PPT1: variants seen among roughly 807,000 people sequenced by gnomAD.
PPT1 encodes ceroid-palmitoyl-palmitoyl-protein thioesterase 1.
PPT1 carries 24 observed loss-of-function variants against 44.0 expected under a neutral mutation model. The observed-to-expected ratio is 0.54, with a 90% CI of 0.39 to 0.77. The LOEUF (loss-of-function observed/expected upper bound fraction) is 0.77, where lower values mean the gene tolerates loss of function less well. PPT1 is among the 30% of genes least tolerant of loss of function. PPT1 has a pLI of 0.00. For synonymous variants in PPT1, 148 were observed against 140.2 expected (o/e 1.06, Z -0.39); for missense variants, 341 against 378.8 (o/e 0.90, Z 0.83).
At chr1:40,097,050 A>G in intron 1 of PPT1, 65 bp downstream of exon 1, 2 of 1,613,562 alleles carry the variant, frequency 1.2e-6, no homozygotes, top group Non-Finnish European at 1.7e-6. Context: ...CGCATTTTGC[A>G]GATGCGAACC....
At chr1:40,087,634 T>C (rs1242487452) in intron 5 of PPT1, among the ~76,000 whole-genome samples, 1 of 151,998 alleles carries the variant, frequency 6.6e-6, no homozygotes, top group African/African-American at 2.4e-5. Flanking sequence ...GTTGTTTTGG[T>C]TCACACAAAG....
chr1:40,084,233 C>T (rs1321537943), intron 5 of PPT1, among the ~76,000 whole-genome samples: 3 of 152,084 alleles, frequency 2.0e-5, no homozygotes, highest in Non-Finnish European at 4.4e-5. Flanking sequence ...TGGAACCTGA[C>T]GATGTGACTG....
chr1:40,080,285 T>G (rs1648852598), intron 6 of PPT1, 112 bp downstream of exon 6: 2 of 1,150,726 alleles, frequency 1.7e-6, no homozygotes, highest in East Asian at 4.7e-5. Context: ...GAACTTCTCT[T>G]TCCTAGTGTC....
In PPT1 at chr1:40,080,500, A is replaced by G. The variant is rs1171058021; in HGVS notation, c.537-13T>C. Reference sequence around the variant, plus strand: ...GGCTTGCACGAGGCTGTAGGAAAAAAAAAGAATGAGGTGATCAAGCTACAG... The same window carrying G: ...GGCTTGCACGAGGCTGTAGGAAAAAGAAAGAATGAGGTGATCAAGCTACAG... On this transcript the variant is annotated splice_polypyrimidine_tract_variant and intron_variant, in intron 5 of 8. Coordinates refer to ENST00000642050, the MANE Select transcript of PPT1 (RefSeq NM_000310.4). The G allele has an allele frequency of 1.2e-6, 2 of 1,612,200 alleles. No individual in the cohort carries two copies. The highest frequency in any genetic ancestry group is 1.7e-6 in the Non-Finnish European group (2 of 1,178,610).
intron 1 of PPT1, among the ~76,000 whole-genome samples, chr1:40,094,336 C>T (rs1213313702): frequency 6.6e-6 from 1 of 152,170 alleles, no homozygotes; most frequent in African/African-American, 2.4e-5. Context: ...GCGCAGTTCA[C>T]AACAGCATTT....
chr1:40,087,630 T>C (rs1383340497), intron 5 of PPT1, among the ~76,000 whole-genome samples: 1 of 152,016 alleles, frequency 6.6e-6, no homozygotes, highest in Non-Finnish European at 1.5e-5. Flanking sequence ...AAGGGTTGTT[T>C]TGGTTCACAC....
At chr1:40,071,505 T>C, downstream of PPT1, 1 of 1,613,582 alleles carries the variant, frequency 6.2e-7, no homozygotes, top group Non-Finnish European at 8.5e-7. Flanking sequence ...CAGAAGTTGG[T>C]CACCACAGTG....
chr1:40,084,050 C>T (rs1278488642), intron 5 of PPT1, among the ~76,000 whole-genome samples: 1 of 151,996 alleles, frequency 6.6e-6, no homozygotes, highest in Non-Finnish European at 1.5e-5. Context: ...GAGACTCTGT[C>T]TCAAAAACAA....
At chr1:40,090,894 T>C (rs1301586245) in intron 4 of PPT1, among the ~76,000 whole-genome samples, 1 of 152,212 alleles carries the variant, frequency 6.6e-6, no homozygotes, top group Admixed American at 6.5e-5. Flanking sequence ...TCCCCAATAG[T>C]ATGGAATTCC....
At chr1:40,076,171 G>A (rs16826867) in intron 8 of PPT1, among the ~76,000 whole-genome samples, 1 of 151,590 alleles carries the variant, frequency 6.6e-6, no homozygotes, top group African/African-American at 2.4e-5. Flanking sequence ...ATGTTTAAAA[G>A]TAATGTCCCT....
chr1:40,077,649 A>C (rs1175563836), intron 7 of PPT1, among the ~76,000 whole-genome samples: 1 of 152,218 alleles, frequency 6.6e-6, no homozygotes, highest in East Asian at 1.9e-4. Flanking sequence ...GGTGTGACAT[A>C]ACGTGATGAG....
chr1:40,089,454 T>C lies in PPT1; in HGVS notation c.492A>G (p.Arg164=). 6.2e-7 allele frequency: 1 copy of C among 1,614,084 alleles called. No individual in the cohort carries two copies. ...GESSHICDFI[R]KTLNAGAYSK... ...AGTACGCCCCAGCATTCAGTGTTTT[T>C]CGGATGAAGTCACAGATGTGAGAGC... Residue 164 remains arginine, a synonymous_variant, in exon 5 of 9, where the codon CGA becomes CGG. Transcript: ENST00000642050.
intron 1 of PPT1, chr1:40,096,789 T>G: frequency 2.6e-6 from 1 of 378,998 alleles, no homozygotes; most frequent in Non-Finnish European, 5.0e-6. Context: ...GCGCCAGTCA[T>G]ATAGCCAGCC....
At chr1:40,085,463 C>T (rs1313297339) in intron 5 of PPT1, among the ~76,000 whole-genome samples, 4 of 152,218 alleles carry the variant, frequency 2.6e-5, no homozygotes, top group South Asian at 4.2e-4. Context: ...AGTGGTCCCC[C>T]GGGCCCAGCT....
rs1482849930 is a variant in PPT1, at chr1:40,096,696, A to G, written c.124+419T>C. 4 of 199,136 alleles carry G rather than the reference A, an allele frequency of 2.0e-5. No homozygotes were observed. The East Asian group carries it at 5.2e-4, about 26-fold the overall frequency. The allele number at this position is 199,136 out of a possible 1,614,324, so 12.3% of individuals were successfully genotyped here. A position where few individuals can be genotyped will look rare whatever the true frequency, so the allele number is the denominator to read the frequency against. ...CTTCCCAGTCCCAAGCATTTCAGAT[A>G]AGGGTTACTCAATTTGTAAATGAAC... On this transcript the variant is annotated intron_variant, in intron 1 of 8. Transcript: ENST00000642050.
intron 8 of PPT1, 25 bp downstream of exon 8, chr1:40,076,817 C>T (rs1648653166): frequency 6.2e-7 from 1 of 1,613,998 alleles, no homozygotes; most frequent in Non-Finnish European, 8.5e-7. Flanking sequence ...CACCAACCTC[C>T]CAAGATAGAC....
At chr1:40,084,831 GAAGAC>G (rs1156540330) in intron 5 of PPT1, among the ~76,000 whole-genome samples, 1 of 152,230 alleles carries the variant, frequency 6.6e-6, no homozygotes, top group African/African-American at 2.4e-5. Flanking sequence ...GAAGTGACCA[GAAGAC>G]AATAGTGTGA....
At chr1:40,091,757 C>T (rs1178821365) in intron 3 of PPT1, among the ~76,000 whole-genome samples, 2 of 150,972 alleles carry the variant, frequency 1.3e-5, no homozygotes, top group Admixed American at 6.6e-5. Flanking sequence ...CCCAGCTACT[C>T]GGGAGGCTGA....
chr1:40,081,339 C>G lies in PPT1; in HGVS notation c.537-852G>C, dbSNP rs867801124. On this transcript the variant is annotated intron_variant, in intron 5 of 8. Transcript: ENST00000642050. ...TCGCCTGAGGTCAGGAGTTCGAAAC[C>G]AACCTGGCCAACATGAGGAAACCCC... 2.0e-5 allele frequency among the ~76,000 whole-genome samples: 3 copies of G among 151,992 alleles called. No homozygotes were observed. In the South Asian group the frequency reaches 6.2e-4, roughly 32 times the overall value.
Sources: allele counts gnomAD v4.1 joint callset (sites outside exome capture counted in the v4.1 genomes callset), GRCh38; gene constraint gnomAD v4.1.1; transcripts MANE v1.5; gene names NCBI Gene and HGNC (gene_info 2026-07-23, HGNC 2026-07-21).